Variants in KLHDC3 observed in about 807,000 individuals in gnomAD.
KLHDC3 encodes the protein kelch domain-containing protein 3.
A neutral mutation model predicts 44.1 loss-of-function variants in KLHDC3; 5 were observed. That is an observed-to-expected ratio of 0.11 (90% confidence interval 0.06 to 0.24). The LOEUF (loss-of-function observed/expected upper bound fraction) is 0.24, where lower values mean the gene tolerates loss of function less well. Ranked by LOEUF, KLHDC3 falls within the 10% of genes least tolerant of loss-of-function variation. KLHDC3 has a pLI of 1.00. For missense variants in KLHDC3, 247 were observed against 514.3 expected (o/e 0.48, Z 5.03); for synonymous variants, 170 against 189.0 (o/e 0.90, Z 0.82).
Position 43,018,226 on chromosome 6 carries a change from T to C in KLHDC3, c.519+10T>C. On this transcript the variant is annotated intron_variant, in intron 5 of 10. Coordinates refer to ENST00000326974, the MANE Select transcript of KLHDC3 (RefSeq NM_057161.4). The surrounding 1 kb of genome is among the most constrained non-coding windows in gnomAD (Gnocchi z 6.0). ...TCTTATCTGTACAAAGGTCTGCTCTTTCTTTTTTTTCCCAAATCCCCACCC... is the reference window on the plus strand; with the variant it reads ...TCTTATCTGTACAAAGGTCTGCTCTCTCTTTTTTTTCCCAAATCCCCACCC... The C allele has an allele frequency of 1.2e-6, 2 of 1,602,202 alleles. No individual in the cohort carries two copies. The highest frequency in any genetic ancestry group is 1.7e-6 in the Non-Finnish European group (2 of 1,169,418).
Position 43,017,124 on chromosome 6 carries a change from T to C in KLHDC3, c.-59-10T>C. 1.9e-6 allele frequency: 3 copies of C among 1,546,198 alleles called. No homozygotes were observed. The highest frequency in any genetic ancestry group is 2.6e-6 in the Non-Finnish European group (3 of 1,142,902). On this transcript the variant is annotated splice_polypyrimidine_tract_variant and intron_variant, in intron 1 of 10. Coordinates refer to ENST00000326974, the MANE Select transcript of KLHDC3 (RefSeq NM_057161.4). The surrounding 1 kb of genome is among the most constrained non-coding windows in gnomAD (Gnocchi z 6.0). ...CGCCTGAGGATCCCGTGGCCCCAATTTGTGTGCAGATAGCAGAGGCAGCAG... is the reference window on the plus strand; with the variant it reads ...CGCCTGAGGATCCCGTGGCCCCAATCTGTGTGCAGATAGCAGAGGCAGCAG...
At chr6:43,016,574 G>A (rs1762580521) in intron 1 of KLHDC3, 1 of 152,602 alleles carries the variant, frequency 6.6e-6, no homozygotes, top group Non-Finnish European at 1.5e-5. Flanking sequence ...GGAGGTCCCT[G>A]TCCTGGATCA....
Position 43,020,939 on chromosome 6 carries a change from C to T in KLHDC3, c.*206C>T, listed in dbSNP as rs1762678640. On this transcript the variant is annotated 3_prime_UTR_variant, in exon 11 of 11. Transcript: ENST00000326974. ...TTCCTCCCCCCTTGGGCCGAGGGCC[C>T]CTTCCCCTTGGTGCTCTGTCCCCAT... is the stretch of plus-strand genomic sequence containing the variant. The T allele has an allele frequency of 1.1e-5, 7 of 665,156 alleles. No homozygotes were observed. In the Admixed American group the frequency reaches 1.1e-4, roughly 10 times the overall value. The allele number at this position is 665,156 out of a possible 1,614,324, so 41.2% of individuals were successfully genotyped here.
chr6:43,018,976 G>C lies in KLHDC3; in HGVS notation c.929+5G>C. 1 of 1,603,968 alleles carries C rather than the reference G, an allele frequency of 6.2e-7. No individual in the cohort carries two copies. Among genetic ancestry groups the C allele is most frequent in the Non-Finnish European group, 8.5e-7 (1 of 1,172,646 alleles). On this transcript the variant is annotated splice_donor_5th_base_variant and intron_variant, in intron 8 of 10. Transcript: ENST00000326974. This position sits in a 1 kb window ranked among gnomAD's most constrained non-coding sequence, Gnocchi z 6.0. ...TGTCCTCTTTGGGGGTACCAGGTTAGAAGGAGAGAGGGAAGGGGCTCAGGG... is the reference window on the plus strand; with the variant it reads ...TGTCCTCTTTGGGGGTACCAGGTTACAAGGAGAGAGGGAAGGGGCTCAGGG...
rs1173576680 is a variant in KLHDC3, at chr6:43,018,490, A to G, written c.667A>G (p.Thr223Ala). The G allele has an allele frequency of 2.5e-6, 4 of 1,614,120 alleles. No homozygotes were observed. The highest frequency in any genetic ancestry group is 3.4e-6 in the Non-Finnish European group (4 of 1,180,024). Residue 223 changes from threonine (T) to alanine (A), a missense_variant, in exon 6 of 11, where the codon ACT (threonine) becomes GCT (alanine). Thr to Ala is a moderately conservative substitution (Grantham distance 58, BLOSUM62 0). Around this residue, in one of 2 missense-constraint regions of KLHDC3, gnomAD observed 176 missense variants for 413.5 expected, o/e 0.43. Coordinates refer to ENST00000326974, the MANE Select transcript of KLHDC3 (RefSeq NM_057161.4). The surrounding 1 kb of genome is among the most constrained non-coding windows in gnomAD (Gnocchi z 6.0). The part of the protein sequence containing the change: ...CNRIRVFDTR[T>A]EAWLDCPPTP... ...CCGCATTCGAGTCTTTGACACCAGA[A>G]CTGAGGCTTGGCTGGACTGTCCCCC...
chr6:43,017,067 G>A lies in KLHDC3; in HGVS notation c.-59-67G>A. 8.7e-7 allele frequency: 1 copy of A among 1,144,010 alleles called. No homozygotes were observed. Among genetic ancestry groups the A allele is most frequent in the Non-Finnish European group, 1.3e-6 (1 of 797,334 alleles). The allele number at this position is 1,144,010 out of a possible 1,614,324, so 70.9% of individuals were successfully genotyped here. ...ACACTTGGAGGCAAAGGCTGGTTCT[G>A]GGCAGAGTCACAGTGAGCTGGGCAG... is the stretch of plus-strand genomic sequence containing the variant. On this transcript the variant is annotated intron_variant, in intron 1 of 10. Coordinates refer to ENST00000326974, the MANE Select transcript of KLHDC3 (RefSeq NM_057161.4). The surrounding 1 kb of genome is among the most constrained non-coding windows in gnomAD (Gnocchi z 6.0).
Position 43,018,331 on chromosome 6 carries a change from G to C in KLHDC3, c.520-12G>C, listed in dbSNP as rs1257458830. 11 of 1,611,734 alleles carry C rather than the reference G, an allele frequency of 6.8e-6. No homozygotes were observed. The highest frequency in any genetic ancestry group is 9.3e-6 in the Non-Finnish European group (11 of 1,178,718). ...GTGCTGACCCCTCCACCATCTCTCT[G>C]CCTCTGCCCAGGGCAGCCCTGCACG... On this transcript the variant is annotated splice_polypyrimidine_tract_variant and intron_variant, in intron 5 of 10. Coordinates refer to ENST00000326974, the MANE Select transcript of KLHDC3 (RefSeq NM_057161.4). The surrounding 1 kb of genome is among the most constrained non-coding windows in gnomAD (Gnocchi z 6.0).
Position 43,018,119 on chromosome 6 carries a change from C to T in KLHDC3, c.448-26C>T, listed in dbSNP as rs1762618239. ...AGAGTGACCATTGGCTCCCTCTTTT[C>T]TTCCTCCTTTTCTCTTCCTACTCAG... On this transcript the variant is annotated intron_variant, in intron 4 of 10. Transcript: ENST00000326974. This position sits in a 1 kb window ranked among gnomAD's most constrained non-coding sequence, Gnocchi z 6.0. 3 of 1,568,892 alleles carry T rather than the reference C, an allele frequency of 1.9e-6. No homozygotes were observed. The highest frequency in any genetic ancestry group is 1.4e-5 in the African/African-American group (1 of 73,830).
Position 43,018,126 on chromosome 6 carries a change from C to A in KLHDC3, c.448-19C>A. 6.3e-7 allele frequency: 1 copy of A among 1,588,598 alleles called. No individual in the cohort carries two copies. Among genetic ancestry groups the A allele is most frequent in the Non-Finnish European group, 8.6e-7 (1 of 1,157,046 alleles). On this transcript the variant is annotated intron_variant, in intron 4 of 10. Transcript: ENST00000326974. The surrounding 1 kb of genome is among the most constrained non-coding windows in gnomAD (Gnocchi z 6.0). ...CCATTGGCTCCCTCTTTTCTTCCTCCTTTTCTCTTCCTACTCAGGCGGACT... is the reference window on the plus strand; with the variant it reads ...CCATTGGCTCCCTCTTTTCTTCCTCATTTTCTCTTCCTACTCAGGCGGACT...
At chr6:43,016,360 T>C (rs1762573495) in intron 1 of KLHDC3, 1 of 152,236 alleles carries the variant, frequency 6.6e-6, no homozygotes, top group African/African-American at 2.4e-5. Flanking sequence ...GATGGGGAAG[T>C]GGCAGGAGGA....
At chr6:43,020,350 G>C (rs1762661748) in intron 10 of KLHDC3, among the ~76,000 whole-genome samples, 1 of 152,172 alleles carries the variant, frequency 6.6e-6, no homozygotes, top group African/African-American at 2.4e-5. Flanking sequence ...TCTAAGCAAA[G>C]CAGGAAAGGC....
chr6:43,021,115 G>A lies in KLHDC3; in HGVS notation c.*382G>A, dbSNP rs1292287337. On this transcript the variant is annotated 3_prime_UTR_variant, in exon 11 of 11. Coordinates refer to ENST00000326974, the MANE Select transcript of KLHDC3 (RefSeq NM_057161.4). ...CCCCTTTGCCTATCCCCTCCCCTCTGCTTGAGCCTTGAGCCTTGACTGGGA... is the reference window on the plus strand; with the variant it reads ...CCCCTTTGCCTATCCCCTCCCCTCTACTTGAGCCTTGAGCCTTGACTGGGA... The A allele has an allele frequency of 2.1e-6, 1 of 474,588 alleles. No homozygotes were observed. The highest frequency in any genetic ancestry group is 6.5e-5 in the East Asian group (1 of 15,466). The allele number at this position is 474,588 out of a possible 1,614,324, so 29.4% of individuals were successfully genotyped here. A position where few individuals can be genotyped will look rare whatever the true frequency, so the allele number is the denominator to read the frequency against.
Position 43,014,496 on chromosome 6 carries a change from G to A in KLHDC3, c.-60+148G>A, listed in dbSNP as rs183058863. ...GATGATGGGAAAGGAGAGTGTTAAT[G>A]GGGAAAGCAGGGCTAGGGGAGGATG... On this transcript the variant is annotated intron_variant, in intron 1 of 10. Coordinates refer to ENST00000326974, the MANE Select transcript of KLHDC3 (RefSeq NM_057161.4). 806 of 486,328 alleles carry A rather than the reference G, an allele frequency of 1.7e-3. 7 individuals carry two copies. The highest frequency in any genetic ancestry group is 0.014 in the African/African-American group (732 of 51,274). 30.1% of individuals were successfully genotyped at this position (486,328 alleles called of 1,614,324 possible).
rs375383238 is a variant in KLHDC3 at position 43,019,490 on chromosome 6, A to G, written c.1082+124A>G. On this transcript the variant is annotated intron_variant, in intron 10 of 10. Coordinates refer to ENST00000326974, the MANE Select transcript of KLHDC3 (RefSeq NM_057161.4). The stretch of plus-strand genomic sequence containing the variant: ...TTTTGTTCTGCTGGAGATGTAGTGT[A>G]CTTGTGGGAAATGAGATGGAAGGAG... 27 of 677,534 alleles carry G rather than the reference A, an allele frequency of 4.0e-5. 1 individual carries two copies. The highest frequency in any genetic ancestry group is 2.0e-4 in the East Asian group (8 of 39,756). 42.0% of individuals were successfully genotyped at this position (677,534 alleles called of 1,614,324 possible). A position where few individuals can be genotyped will look rare whatever the true frequency, so the allele number is the denominator to read the frequency against.
At position 43,018,602 on chromosome 6, in the gene KLHDC3, C is replaced by T; in HGVS notation, c.734-31C>T. ...TGTGGAGTTCCCTTCCTGCCCTCTT[C>T]ACACTCCTGACACTTCCTCTCTCCT... On this transcript the variant is annotated intron_variant, in intron 6 of 10. Coordinates refer to ENST00000326974, the MANE Select transcript of KLHDC3 (RefSeq NM_057161.4). The surrounding 1 kb of genome is among the most constrained non-coding windows in gnomAD (Gnocchi z 6.0). 6.2e-7 allele frequency: 1 copy of T among 1,612,156 alleles called. No individual in the cohort carries two copies. Among genetic ancestry groups the T allele is most frequent in the Non-Finnish European group, 8.5e-7 (1 of 1,178,270 alleles).
In KLHDC3 at chr6:43,017,323, T is replaced by C. The variant is rs1762601806; in HGVS notation, c.131T>C (p.Ile44Thr). ...SGEDYETLRQ[I>T]DVHIFNAVSL... ...GAAGACTATGAGACACTGCGTCAGA[T>C]AGATGTGCACATTTTCAATGCAGGT... Residue 44 changes from isoleucine (I) to threonine (T), a missense_variant, in exon 2 of 11, where the codon ATA (isoleucine) becomes ACA (threonine). Ile to Thr is a moderately conservative substitution (Grantham distance 89). Coordinates refer to ENST00000326974, the MANE Select transcript of KLHDC3 (RefSeq NM_057161.4). This position sits in a 1 kb window ranked among gnomAD's most constrained non-coding sequence, Gnocchi z 6.0. The C allele has an allele frequency of 1.2e-6, 2 of 1,613,762 alleles. No homozygotes were observed. The highest frequency in any genetic ancestry group is 2.2e-5 in the East Asian group (1 of 44,884).
At chr6:43,016,760 G>A (rs1408921562) in intron 1 of KLHDC3, 1 of 170,292 alleles carries the variant, frequency 5.9e-6, no homozygotes, top group African/African-American at 2.4e-5. Context: ...TCTTAGAGAG[G>A]TGGCAGTAAG....
chr6:43,015,532 A>G (rs1329282146), intron 1 of KLHDC3, among the ~76,000 whole-genome samples: 3 of 152,136 alleles, frequency 2.0e-5, no homozygotes, highest in Non-Finnish European at 4.4e-5. Context: ...TGTACGTGCC[A>G]CTAGGTTGAC....
Position 43,021,137 on chromosome 6 carries a change from G to A in KLHDC3, c.*404G>A. ...TCTGCTTGAGCCTTGAGCCTTGACTGGGAGCTGAAAGGAGTTGCAGCTGTT... is the reference window on the plus strand; with the variant it reads ...TCTGCTTGAGCCTTGAGCCTTGACTAGGAGCTGAAAGGAGTTGCAGCTGTT... On this transcript the variant is annotated 3_prime_UTR_variant, in exon 11 of 11. Transcript: ENST00000326974. 2.1e-6 allele frequency: 1 copy of A among 469,914 alleles called. No individual in the cohort carries two copies. The highest frequency in any genetic ancestry group is 4.2e-6 in the Non-Finnish European group (1 of 236,370). The allele number at this position is 469,914 out of a possible 1,614,324, so 29.1% of individuals were successfully genotyped here.
Sources: gnomAD v4.1 joint callset for allele counts (sites outside exome capture counted in the v4.1 genomes callset) on GRCh38, gnomAD v4.1.1 for gene constraint, gnomAD v4.1.1 regional missense constraint, Gnocchi (gnomAD v3.1) non-coding constraint, MANE v1.5 for transcripts, NCBI Gene and HGNC (gene_info 2026-07-23, HGNC 2026-07-21) for gene names.